Variants in SYDE1 observed in about 807,000 individuals in gnomAD.
The protein encoded by SYDE1 is rho GTPase-activating protein SYDE1.
Under a neutral mutation model 63.3 loss-of-function variants are expected in SYDE1, and 34 were observed. That is an observed-to-expected ratio of 0.54 (90% CI 0.41 to 0.71). SYDE1 has a LOEUF of 0.71. SYDE1 is among the 30% of genes least tolerant of loss of function. The pLI is 0.00. For synonymous variants in SYDE1, 467 were observed against 473.4 expected, an observed-to-expected ratio of 0.99 and a Z score of 0.18; for missense variants, 925 against 1,042.5, an observed-to-expected ratio of 0.89 and a Z score of 1.55.
Position 15,112,487 on chromosome 19 carries a change from C to T in SYDE1, c.1720C>T (p.Arg574Cys), listed in dbSNP as rs1278593257. 7 of 1,606,690 alleles carry T rather than the reference C, an allele frequency of 4.4e-6. No homozygotes were observed. The highest frequency in any genetic ancestry group is 5.9e-6 in the Non-Finnish European group (7 of 1,176,970). Residue 574 changes from arginine to cysteine, a missense_variant, in exon 7 of 8, where the codon CGC becomes TGC. By Grantham distance (180) the Arg-to-Cys change is radical. Transcript: ENST00000342784. Reference protein sequence around the residue: ...ARQAPTRPRARSSGPGLASAV... With the variant: ...ARQAPTRPRACSSGPGLASAV... ...CCAGGCGCCCACAAGGCCTCGTGCC[C>T]GCAGCTCCGGCCCAGGCCTTGCCAG... is the stretch of plus-strand genomic sequence containing the variant.
At position 15,114,357 on chromosome 19, in the gene SYDE1, TTGC is replaced by T. The variant is rs2046368674; in HGVS notation, c.*401_*403del. The T allele has an allele frequency of 4.6e-6, 1 of 215,428 alleles. No individual in the cohort carries two copies. Among genetic ancestry groups the T allele is most frequent in the Non-Finnish European group, 9.3e-6 (1 of 107,932 alleles). The allele number at this position is 215,428 out of a possible 1,614,324, so 13.3% of individuals were successfully genotyped here. On this transcript the variant is annotated 3_prime_UTR_variant, in exon 8 of 8. Transcript: ENST00000342784. ...GGTGAGTCACCTCTAGTCGGCCCTCTTGCTGCTGCCAACCAAATCAGTATTAGC... is the reference window on the plus strand; with the variant it reads ...GGTGAGTCACCTCTAGTCGGCCCTCTTGCTGCCAACCAAATCAGTATTAGC...
Position 15,109,846 on chromosome 19 carries a change from C to T in SYDE1, c.573C>T (p.Arg191=), listed in dbSNP as rs1172559587. 2.0e-6 allele frequency: 3 copies of T among 1,531,596 alleles called. No individual in the cohort carries two copies. Among genetic ancestry groups the T allele is most frequent in the Admixed American group, 2.0e-5 (1 of 50,796 alleles). 94.9% of individuals were successfully genotyped at this position (1,531,596 alleles called of 1,614,324 possible). A position where few individuals can be genotyped will look rare whatever the true frequency, so the allele number is the denominator to read the frequency against. Residue 191 remains arginine (R), a synonymous_variant, in exon 3 of 8, where the codon CGC becomes CGT. Transcript: ENST00000342784. The surrounding 1 kb of genome is among the most constrained non-coding windows in gnomAD (Gnocchi z 5.0). ...GAGGCCCCCGGGCTGGCAGGGAGCG[C>T]GAGAGGGCTGCCCCTGCGGGCTCCG... ...SLRGPRAGRE[R]ERAAPAGSVI...
Position 15,110,655 on chromosome 19 carries a change from G to C in SYDE1, c.1210G>C (p.Val404Leu). ...CTTTGGGCTGCCCCTGCCACTGCTG[G>C]TGGAGCGGGAGCGGCCCCCCGGCCA... is the stretch of plus-strand genomic sequence containing the variant. ...RVFGLPLPLL[V>L]ERERPPGQVP... is the part of the protein sequence containing the mutation. Residue 404 changes from valine to leucine, a missense_variant, in exon 4 of 8, where the codon GTG becomes CTG. By Grantham distance (32) the Val-to-Leu change is conservative. This residue lies in a region of SYDE1 where 599 missense variants were observed against 653.7 expected (regional missense o/e 0.92). Transcript: ENST00000342784. This position sits in a 1 kb window ranked among gnomAD's most constrained non-coding sequence, Gnocchi z 6.9. The C allele has an allele frequency of 6.3e-7, 1 of 1,588,294 alleles. No homozygotes were observed. Among genetic ancestry groups the C allele is most frequent in the Non-Finnish European group, 8.6e-7 (1 of 1,168,948 alleles).
Position 15,112,477 on chromosome 19 carries a change from G to T in SYDE1, c.1710G>T (p.Arg570Ser). 6.8e-6 allele frequency: 11 copies of T among 1,606,398 alleles called. No homozygotes were observed. Among genetic ancestry groups the T allele is most frequent in the Non-Finnish European group, 9.3e-6 (11 of 1,176,928 alleles). Residue 570 changes from arginine to serine, a missense_variant, in exon 7 of 8, where the codon AGG becomes AGT. Arg to Ser is a moderately radical substitution (Grantham distance 110). Coordinates refer to ENST00000342784, the MANE Select transcript of SYDE1 (RefSeq NM_033025.6). ...VLLPARQAPTRPRARSSGPGL... is the reference protein window; with the variant it reads ...VLLPARQAPTSPRARSSGPGL... ...TGCCGGCACGCCAGGCGCCCACAAG[G>T]CCTCGTGCCCGCAGCTCCGGCCCAG...
chr19:15,114,186 G>A lies in SYDE1; in HGVS notation c.*223G>A, dbSNP rs1485465139. The A allele has an allele frequency of 5.4e-6, 3 of 551,804 alleles. No individual in the cohort carries two copies. Among genetic ancestry groups the A allele is most frequent in the Non-Finnish European group, 9.6e-6 (3 of 312,462 alleles). The allele number at this position is 551,804 out of a possible 1,614,324, so 34.2% of individuals were successfully genotyped here. ...CAAGTCTGGGGCCTGGGGATTTTAG[G>A]GACCAGCGGTTGTGACCATCTTTCC... On this transcript the variant is annotated 3_prime_UTR_variant, in exon 8 of 8. Coordinates refer to ENST00000342784, the MANE Select transcript of SYDE1 (RefSeq NM_033025.6).
At position 15,109,693 on chromosome 19, in the gene SYDE1, T is replaced by C; in HGVS notation, c.431-11T>C. ...CAGGTTCCTGGACCCTGAAGTCTGC[T>C]CTCCACACAGGTGCAGCCCCCGCCA... On this transcript the variant is annotated splice_polypyrimidine_tract_variant and intron_variant, in intron 2 of 7. Coordinates refer to ENST00000342784, the MANE Select transcript of SYDE1 (RefSeq NM_033025.6). The surrounding 1 kb of genome is among the most constrained non-coding windows in gnomAD (Gnocchi z 5.0). 2 of 1,467,424 alleles carry C rather than the reference T, an allele frequency of 1.4e-6. No homozygotes were observed. The highest frequency in any genetic ancestry group is 9.0e-7 in the Non-Finnish European group (1 of 1,106,480). 90.9% of individuals were successfully genotyped at this position (1,467,424 alleles called of 1,614,324 possible). A position where few individuals can be genotyped will look rare whatever the true frequency, so the allele number is the denominator to read the frequency against.
At position 15,110,758 on chromosome 19, in the gene SYDE1, C is replaced by T. The variant is rs1237769299; in HGVS notation, c.1290+23C>T. 22 of 1,501,790 alleles carry T rather than the reference C, an allele frequency of 1.5e-5. No individual in the cohort carries two copies. The highest frequency in any genetic ancestry group is 5.5e-5 in the African/African-American group (4 of 72,390). 93.0% of individuals were successfully genotyped at this position (1,501,790 alleles called of 1,614,324 possible). A position where few individuals can be genotyped will look rare whatever the true frequency, so the allele number is the denominator to read the frequency against. ...CGGGTGAGCACCCACCCCACCCCAA[C>T]CCTCTGGCCCCCAGACCTCAGACCA... On this transcript the variant is annotated intron_variant, in intron 4 of 7. Coordinates refer to ENST00000342784, the MANE Select transcript of SYDE1 (RefSeq NM_033025.6). The surrounding 1 kb of genome is among the most constrained non-coding windows in gnomAD (Gnocchi z 6.9).
At position 15,109,167 on chromosome 19, in the gene SYDE1, C is replaced by CT; in HGVS notation, c.201dup (p.Ala68CysfsTer13). 6.4e-7 allele frequency: 1 copy of CT among 1,554,228 alleles called. No homozygotes were observed. Among genetic ancestry groups the CT allele is most frequent in the Non-Finnish European group, 8.7e-7 (1 of 1,148,392 alleles). On this transcript the variant is annotated frameshift_variant, in exon 2 of 8. Coordinates refer to ENST00000342784, the MANE Select transcript of SYDE1 (RefSeq NM_033025.6). LOFTEE classifies it high-confidence loss of function. The surrounding 1 kb of genome is among the most constrained non-coding windows in gnomAD (Gnocchi z 5.0). ...TCCAGCCCCGAGGCATCAAGGAGCC[C>CT]TGCACGGGGAGCCTACCTGCAAAGC...
chr19:15,112,748 T>C (rs1365712884), intron 7 of SYDE1, among the ~76,000 whole-genome samples, 177 bp downstream of exon 7: 1 of 152,234 alleles, frequency 6.6e-6, no homozygotes, highest in Non-Finnish European at 1.5e-5. Flanking sequence ...TTTGTCTTTT[T>C]TTATTTTCAT....
At position 15,110,850 on chromosome 19, in the gene SYDE1, A is replaced by G. The variant is rs768728984; in HGVS notation, c.1290+115A>G. 309 of 924,454 alleles carry G rather than the reference A, an allele frequency of 3.3e-4. No individual in the cohort carries two copies. The highest frequency in any genetic ancestry group is 4.6e-4 in the Non-Finnish European group (292 of 634,500). 57.3% of individuals were successfully genotyped at this position (924,454 alleles called of 1,614,324 possible). The stretch of plus-strand genomic sequence containing the variant: ...CCAGGCCTGAGCCACTCCTAGCTCC[A>G]ATCCCAACCTAGACAAGGGCAGAAG... On this transcript the variant is annotated intron_variant, in intron 4 of 7. Transcript: ENST00000342784. The surrounding 1 kb of genome is among the most constrained non-coding windows in gnomAD (Gnocchi z 6.9).
chr19:15,112,318 G>T, intron 6 of SYDE1, 28 bp from the exon 7 acceptor site: 2 of 1,515,568 alleles, frequency 1.3e-6, no homozygotes, highest in South Asian at 2.4e-5. Context: ...GACTTTGTCT[G>T]ACTTACATCC....
At position 15,109,913 on chromosome 19, in the gene SYDE1, G is replaced by A. The variant is rs536102093; in HGVS notation, c.640G>A (p.Gly214Arg). 6.8e-6 allele frequency: 10 copies of A among 1,463,954 alleles called. No individual in the cohort carries two copies. Among genetic ancestry groups the A allele is most frequent in the South Asian group, 1.3e-5 (1 of 74,850 alleles). The allele number at this position is 1,463,954 out of a possible 1,614,324, so 90.7% of individuals were successfully genotyped here. ...CCTGGACAGCAGCGTGGGGGGCCCC[G>A]GGCCGGCAGCAGGGCCTGGGGGCAC... is the stretch of plus-strand genomic sequence containing the variant. ...YHLDSSVGGP[G>R]PAAGPGGTRS... is the part of the protein sequence containing the mutation. The change falls in exon 3 of 8, where the codon GGG becomes AGG. Residue 214 changes from glycine to arginine, a missense_variant. This residue lies in a region of SYDE1 where 599 missense variants were observed against 653.7 expected (regional missense o/e 0.92). Transcript: ENST00000342784. The surrounding 1 kb of genome is among the most constrained non-coding windows in gnomAD (Gnocchi z 5.0).
At position 15,109,679 on chromosome 19, in the gene SYDE1, A is replaced by T; in HGVS notation, c.431-25A>T. The T allele has an allele frequency of 6.9e-7, 1 of 1,441,036 alleles. No homozygotes were observed. The highest frequency in any genetic ancestry group is 9.2e-7 in the Non-Finnish European group (1 of 1,089,798). The allele number at this position is 1,441,036 out of a possible 1,614,324, so 89.3% of individuals were successfully genotyped here. On this transcript the variant is annotated intron_variant, in intron 2 of 7. Coordinates refer to ENST00000342784, the MANE Select transcript of SYDE1 (RefSeq NM_033025.6). This position sits in a 1 kb window ranked among gnomAD's most constrained non-coding sequence, Gnocchi z 5.0. ...CCCTCCCCTAAGCCCAGGTTCCTGGACCCTGAAGTCTGCTCTCCACACAGG... is the reference window on the plus strand; with the variant it reads ...CCCTCCCCTAAGCCCAGGTTCCTGGTCCCTGAAGTCTGCTCTCCACACAGG...
In SYDE1 at chr19:15,109,666, C is replaced by T; in HGVS notation, c.431-38C>T. The T allele has an allele frequency of 2.9e-6, 4 of 1,375,026 alleles. No individual in the cohort carries two copies. Among genetic ancestry groups the T allele is most frequent in the Non-Finnish European group, 3.9e-6 (4 of 1,037,884 alleles). 85.2% of individuals were successfully genotyped at this position (1,375,026 alleles called of 1,614,324 possible). Reference sequence around the variant, plus strand: ...ACCAGCCTCACCCCCCTCCCCTAAGCCCAGGTTCCTGGACCCTGAAGTCTG... The same window carrying T: ...ACCAGCCTCACCCCCCTCCCCTAAGTCCAGGTTCCTGGACCCTGAAGTCTG... On this transcript the variant is annotated intron_variant, in intron 2 of 7. Transcript: ENST00000342784. The surrounding 1 kb of genome is among the most constrained non-coding windows in gnomAD (Gnocchi z 5.0).
In SYDE1 at chr19:15,111,474, C is replaced by T; in HGVS notation, c.1417+35C>T. 1 of 1,610,936 alleles carries T rather than the reference C, an allele frequency of 6.2e-7. No homozygotes were observed. Among genetic ancestry groups the T allele is most frequent in the Non-Finnish European group, 8.5e-7 (1 of 1,177,710 alleles). ...GCCCCCTCTCCCCTGCCTGCTCACC[C>T]CCATTCAATGCCTCACTTCAAGGCC... is the stretch of plus-strand genomic sequence containing the variant. On this transcript the variant is annotated intron_variant, in intron 5 of 7. Transcript: ENST00000342784. This position sits in a 1 kb window ranked among gnomAD's most constrained non-coding sequence, Gnocchi z 5.5.
rs549880414 is a variant in SYDE1 at position 15,110,440 on chromosome 19, G to A, written c.1076-81G>A. 2.6e-4 allele frequency: 389 copies of A among 1,487,808 alleles called. 1 individual carries two copies. In the African/African-American group the frequency reaches 4.1e-3, roughly 16 times the overall value. The allele number at this position is 1,487,808 out of a possible 1,614,324, so 92.2% of individuals were successfully genotyped here. A position where few individuals can be genotyped will look rare whatever the true frequency, so the allele number is the denominator to read the frequency against. On this transcript the variant is annotated intron_variant, in intron 3 of 7. Transcript: ENST00000342784. The surrounding 1 kb of genome is among the most constrained non-coding windows in gnomAD (Gnocchi z 6.9). ...GTGCCTAGGGGGCTGGGCTCCGGGCGGAAGGTGTGGCCTGGAGCAGCGAGG... is the reference window on the plus strand; with the variant it reads ...GTGCCTAGGGGGCTGGGCTCCGGGCAGAAGGTGTGGCCTGGAGCAGCGAGG...
intron 7 of SYDE1, 67 bp from the exon 8 acceptor site, chr19:15,113,493 G>A: frequency 6.7e-7 from 1 of 1,491,618 alleles, no homozygotes; most frequent in Non-Finnish European, 8.9e-7. Context: ...CAGGAGCCTA[G>A]TTCCCTAAGC....
At position 15,108,387 on chromosome 19, in the gene SYDE1, A is replaced by C. The variant is rs932291332; in HGVS notation, c.89-669A>C. Among the ~76,000 whole-genome samples the C allele has an allele frequency of 2.0e-5, 3 of 152,124 alleles. No individual in the cohort carries two copies. Among genetic ancestry groups the C allele is most frequent in the Non-Finnish European group, 4.4e-5 (3 of 68,024 alleles). On this transcript the variant is annotated intron_variant, in intron 1 of 7. Transcript: ENST00000342784. This position sits in a 1 kb window ranked among gnomAD's most constrained non-coding sequence, Gnocchi z 4.3. ...CACACAGGAAACAGCCCAGGACATG[A>C]GACAGGAGAGGAGGGAGGGAAGGGG...
Position 15,114,049 on chromosome 19 carries a change from C to A in SYDE1, c.*86C>A. On this transcript the variant is annotated 3_prime_UTR_variant, in exon 8 of 8. Coordinates refer to ENST00000342784, the MANE Select transcript of SYDE1 (RefSeq NM_033025.6). Reference sequence around the variant, plus strand: ...GCCCTGGTGACCAAGGAGAGCCAGACCTGTTGCTCAGGCCGAGCTCCTGGT... The same window carrying A: ...GCCCTGGTGACCAAGGAGAGCCAGAACTGTTGCTCAGGCCGAGCTCCTGGT... 2 of 1,390,530 alleles carry A rather than the reference C, an allele frequency of 1.4e-6. No homozygotes were observed. Among genetic ancestry groups the A allele is most frequent in the Non-Finnish European group, 9.8e-7 (1 of 1,019,764 alleles). 86.1% of individuals were successfully genotyped at this position (1,390,530 alleles called of 1,614,324 possible).
Sources: allele counts gnomAD v4.1 joint callset (sites outside exome capture counted in the v4.1 genomes callset), GRCh38; gene constraint gnomAD v4.1.1; regional missense constraint gnomAD v4.1.1; non-coding constraint Gnocchi (gnomAD v3.1); transcripts MANE v1.5; gene names NCBI Gene and HGNC (gene_info 2026-07-23, HGNC 2026-07-21).